Variants in PRR12 observed in about 807,000 individuals in gnomAD.
The protein encoded by PRR12 is proline rich 12.
In PRR12, 12 loss-of-function variants were observed where a neutral mutation model predicts 138.0. The observed-to-expected ratio is 0.09, with a 90% CI of 0.06 to 0.14. The LOEUF (loss-of-function observed/expected upper bound fraction) is 0.14, where lower values mean the gene tolerates loss of function less well. PRR12 is among the 10% of genes least tolerant of loss of function. The pLI is 1.00. For synonymous variants in PRR12, 1,567 were observed against 1,291.7 expected, an observed-to-expected ratio of 1.21 and a Z score of -4.57; for missense variants, 2,692 against 2,861.3, an observed-to-expected ratio of 0.94 and a Z score of 1.35.
chr19:49,605,168 GA>G (rs2080832155), intron 6 of PRR12, among the ~76,000 whole-genome samples: 1 of 151,532 alleles, frequency 6.6e-6, no homozygotes, highest in South Asian at 2.1e-4. Context: ...ATTTCATAGA[GA>G]AAGAAACCAA....
intron 8 of PRR12, 22 bp from the exon 9 acceptor site, chr19:49,615,721 ACAGT>A: frequency 6.3e-7 from 1 of 1,589,966 alleles, no homozygotes; most frequent in Non-Finnish European, 8.6e-7. Flanking sequence ...GCTGCTGACT[ACAGT>A]CCCTTCTCTG....
intron 6 of PRR12, among the ~76,000 whole-genome samples, chr19:49,611,938 AAAAAAAAAAAC>A (rs2080868695): frequency 7.0e-6 from 1 of 142,202 alleles, no homozygotes; most frequent in African/African-American, 2.6e-5. Context: ...AAAAAAAAAA[AAAAAAAAAAAC>A]AGGCCGGGCA....
At position 49,594,425 on chromosome 19, in the gene PRR12, G is replaced by T. The variant is rs764084288; in HGVS notation, c.200-29G>T. ...GACTGTATCCTACCCACCCCCACCT[G>T]GCTGACTATAACCCCTGTCCCCGGC... On this transcript the variant is annotated intron_variant, in intron 2 of 13. Coordinates refer to ENST00000418929, the MANE Select transcript of PRR12 (RefSeq NM_020719.3). The surrounding 1 kb of genome is among the most constrained non-coding windows in gnomAD (Gnocchi z 5.6). 6.6e-7 allele frequency: 1 copy of T among 1,522,968 alleles called. No individual in the cohort carries two copies. Among genetic ancestry groups the T allele is most frequent in the Non-Finnish European group, 8.8e-7 (1 of 1,134,648 alleles). 94.3% of individuals were successfully genotyped at this position (1,522,968 alleles called of 1,614,324 possible). A position where few individuals can be genotyped will look rare whatever the true frequency, so the allele number is the denominator to read the frequency against.
At chr19:49,613,330 C>CA (rs781467379) in intron 6 of PRR12, among the ~76,000 whole-genome samples, 1,955 of 76,402 alleles carry the variant, frequency 0.026, 34 homozygotes, top group African/African-American at 0.052. Context: ...GGCTCCATCT[C>CA]AAAAAAAAAA....
Position 49,599,505 on chromosome 19 carries a change from G to A in PRR12, c.3912G>A (p.Thr1304=), listed in dbSNP as rs775762824. The A allele has an allele frequency of 2.4e-5, 39 of 1,597,836 alleles. No individual in the cohort carries two copies. The highest frequency in any genetic ancestry group is 1.4e-4 in the East Asian group (6 of 44,128). The change falls in exon 5 of 14, where the codon ACG becomes ACA. Residue 1304 remains threonine, a synonymous_variant. Transcript: ENST00000418929. This position sits in a 1 kb window ranked among gnomAD's most constrained non-coding sequence, Gnocchi z 5.0. ...RHPPLYQAGL[T]PPLSPPKSVP... is the part of the protein sequence containing the mutation. Reference sequence around the variant, plus strand: ...CACCACTCTACCAGGCGGGCCTGACGCCTCCGCTCAGCCCTCCCAAGAGTG... The same window carrying A: ...CACCACTCTACCAGGCGGGCCTGACACCTCCGCTCAGCCCTCCCAAGAGTG...
At chr19:49,600,014 C>G in intron 5 of PRR12, 76 bp downstream of exon 5, 1 of 1,399,620 alleles carries the variant, frequency 7.1e-7, no homozygotes, top group Non-Finnish European at 9.5e-7. Context: ...GTGCAGGTTA[C>G]GCACTGTTTA....
Position 49,596,230 on chromosome 19 carries a change from C to T in PRR12, c.1895C>T (p.Pro632Leu). The change falls in exon 4 of 14, where the codon CCT (proline) becomes CTT (leucine). Residue 632 changes from proline to leucine, a missense_variant. Physicochemically the swap from Pro to Leu is moderately conservative, Grantham distance 98. Transcript: ENST00000418929. This position sits in a 1 kb window ranked among gnomAD's most constrained non-coding sequence, Gnocchi z 5.6. Reference sequence around the variant, plus strand: ...CTGCTGGCGGGCCCAGGTGGGCCTCCTGCGGAGCGCACAGAGGATGAGGAG... The same window carrying T: ...CTGCTGGCGGGCCCAGGTGGGCCTCTTGCGGAGCGCACAGAGGATGAGGAG... ...SELLAGPGGP[P>L]AERTEDEEFL... is the part of the protein sequence containing the mutation. 3 of 1,610,848 alleles carry T rather than the reference C, an allele frequency of 1.9e-6. No homozygotes were observed. Among genetic ancestry groups the T allele is most frequent in the South Asian group, 1.1e-5 (1 of 91,054 alleles).
chr19:49,612,091 C>T (rs1342583245), intron 6 of PRR12, among the ~76,000 whole-genome samples: 3 of 151,644 alleles, frequency 2.0e-5, no homozygotes, highest in Admixed American at 6.6e-5. Context: ...ATTAGCTGAG[C>T]GTGGTGGCAT....
intron 6 of PRR12, among the ~76,000 whole-genome samples, chr19:49,604,166 T>C (rs2080826579): frequency 6.6e-6 from 1 of 152,028 alleles, no homozygotes; most frequent in African/African-American, 2.4e-5. Context: ...TCAAATGTAT[T>C]TTTTCCTGTG....
At chr19:49,619,869 T>A (rs2080912912) in intron 9 of PRR12, among the ~76,000 whole-genome samples, 1 of 140,244 alleles carries the variant, frequency 7.1e-6, no homozygotes, top group Non-Finnish European at 1.5e-5. Flanking sequence ...TTTTTTTTTT[T>A]TTTTTTTGGA....
intron 6 of PRR12, among the ~76,000 whole-genome samples, chr19:49,602,865 A>G (rs1011333419): frequency 2.0e-5 from 3 of 152,332 alleles, no homozygotes; most frequent in South Asian, 2.1e-4. Context: ...CATAGCTTCA[A>G]TATTTACCTT....
Position 49,624,971 on chromosome 19 carries a change from G to A in PRR12, c.5849G>A (p.Arg1950Lys). Reference protein sequence around the residue: ...YNRKTLSKLKRSVVRAQEFKV... With the variant: ...YNRKTLSKLKKSVVRAQEFKV... ...CGCAAGACGCTCAGCAAGCTCAAGA[G>A]GAGCGTGGTCAGAGCCCAGGTGGGC... The change falls in exon 12 of 14, where the codon AGG becomes AAG. Residue 1950 changes from arginine (R) to lysine (K), a missense_variant. This residue lies in a region of PRR12 where 116 missense variants were observed against 243.4 expected (regional missense o/e 0.48). Transcript: ENST00000418929. 2 of 1,598,510 alleles carry A rather than the reference G, an allele frequency of 1.3e-6. No homozygotes were observed. Among genetic ancestry groups the A allele is most frequent in the Non-Finnish European group, 1.7e-6 (2 of 1,170,944 alleles).
At position 49,599,733 on chromosome 19, in the gene PRR12, C is replaced by T; in HGVS notation, c.4140C>T (p.Phe1380=). The change falls in exon 5 of 14, where the codon TTC becomes TTT. Residue 1380 remains phenylalanine, a synonymous_variant. Coordinates refer to ENST00000418929, the MANE Select transcript of PRR12 (RefSeq NM_020719.3). The surrounding 1 kb of genome is among the most constrained non-coding windows in gnomAD (Gnocchi z 5.0). ...GGAACCTCGAGACGCTGCCCTCCTTCTCCTCGGATGAGGAAGACTCTGTCG... is the reference window on the plus strand; with the variant it reads ...GGAACCTCGAGACGCTGCCCTCCTTTTCCTCGGATGAGGAAGACTCTGTCG... ...LKRNLETLPS[F]SSDEEDSVAK... 1.3e-5 allele frequency: 21 copies of T among 1,613,662 alleles called. No individual in the cohort carries two copies. The highest frequency in any genetic ancestry group is 1.7e-5 in the Non-Finnish European group (20 of 1,179,896).
At chr19:49,612,387 AG>A (rs1410389177) in intron 6 of PRR12, among the ~76,000 whole-genome samples, 1 of 152,070 alleles carries the variant, frequency 6.6e-6, no homozygotes, top group African/African-American at 2.4e-5. Flanking sequence ...GATGAGAGGC[AG>A]GATGGGTGGG....
chr19:49,621,948 A>G (rs1460543119), intron 11 of PRR12, among the ~76,000 whole-genome samples: 2 of 152,170 alleles, frequency 1.3e-5, no homozygotes, highest in Non-Finnish European at 2.9e-5. Context: ...CTTCTTTGTG[A>G]GTCCAATGCA....
rs755618136 is a variant in PRR12, at chr19:49,622,539, C to G, written c.5721+917C>G. Among the ~76,000 whole-genome samples the G allele has an allele frequency of 1.1e-4, 16 of 141,288 alleles. No individual in the cohort carries two copies. The Middle Eastern group carries it at 0.013, about 116-fold the overall frequency. 92.7% of individuals were successfully genotyped at this position (141,288 alleles called of 152,430 possible). A position where few individuals can be genotyped will look rare whatever the true frequency, so the allele number is the denominator to read the frequency against. On this transcript the variant is annotated intron_variant, in intron 11 of 13. Coordinates refer to ENST00000418929, the MANE Select transcript of PRR12 (RefSeq NM_020719.3). ...CCCAGGAGGTGGAGCTTGCAGTGAG[C>G]CAAGATGGTACCACTGCACTCCAGC...
Position 49,596,089 on chromosome 19 carries a change from C to T in PRR12, c.1754C>T (p.Ala585Val). The T allele has an allele frequency of 6.2e-7, 1 of 1,602,206 alleles. No individual in the cohort carries two copies. The highest frequency in any genetic ancestry group is 8.5e-7 in the Non-Finnish European group (1 of 1,179,738). ...CCACCTGGAGTCGGCTCTCCAGGAGCCCCTGGCAAATACCTGAGCTCAGTC... is the reference window on the plus strand; with the variant it reads ...CCACCTGGAGTCGGCTCTCCAGGAGTCCCTGGCAAATACCTGAGCTCAGTC... The part of the protein sequence containing the change: ...GRPPGVGSPG[A>V]PGKYLSSVLA... The change falls in exon 4 of 14, where the codon GCC becomes GTC. Residue 585 changes from alanine (A) to valine (V), a missense_variant. Physicochemically the swap from Ala to Val is moderately conservative, Grantham distance 64. This residue lies in a region of PRR12 where 66 missense variants were observed against 102.4 expected (regional missense o/e 0.64). Coordinates refer to ENST00000418929, the MANE Select transcript of PRR12 (RefSeq NM_020719.3). The surrounding 1 kb of genome is among the most constrained non-coding windows in gnomAD (Gnocchi z 5.6).
intron 5 of PRR12, 29 bp from the exon 6 acceptor site, chr19:49,601,462 T>C: frequency 7.6e-7 from 1 of 1,317,988 alleles, no homozygotes; most frequent in Non-Finnish European, 1.0e-6. Flanking sequence ...ATGAATAACA[T>C]CCAGGCCTGA....
At chr19:49,624,247 G>A (rs569176491) in intron 11 of PRR12, among the ~76,000 whole-genome samples, 4 of 149,596 alleles carry the variant, frequency 2.7e-5, no homozygotes, top group Non-Finnish European at 5.9e-5. Context: ...TTAGGATGGG[G>A]CCGAGCATTC....
Sources: gnomAD v4.1 joint callset for allele counts (sites outside exome capture counted in the v4.1 genomes callset) on GRCh38, gnomAD v4.1.1 for gene constraint, gnomAD v4.1.1 regional missense constraint, Gnocchi (gnomAD v3.1) non-coding constraint, MANE v1.5 for transcripts, NCBI Gene and HGNC (gene_info 2026-07-23, HGNC 2026-07-21) for gene names.